Variants in PCDH9 observed in about 807,000 individuals in gnomAD.
PCDH9 encodes protocadherin 9.
PCDH9 carries 24 observed loss-of-function variants against 70.6 expected under a neutral mutation model. That is an observed-to-expected ratio of 0.34 (90% confidence interval 0.25 to 0.48). The LOEUF (loss-of-function observed/expected upper bound fraction) is 0.48. Among genes scored for constraint, PCDH9 ranks in the 20% least tolerant of loss-of-function variants. The probability of loss-of-function intolerance (pLI) is 0.99; values close to 1 mark genes in which losing one functional copy is unlikely to be tolerated. For synonymous variants in PCDH9, 562 were observed against 558.5 expected (o/e 1.01, Z -0.09); for missense variants, 1,281 against 1,503.6 (o/e 0.85, Z 2.45).
At chr13:66,867,016 CT>C (rs562922937) in intron 3 of PCDH9, among the ~76,000 whole-genome samples, 1,748 of 136,966 alleles carry the variant, frequency 0.013, 7 homozygotes, top group Non-Finnish European at 0.015. Context: ...CAGTTTCTTT[CT>C]TTTTTTTTTT....
intron 2 of PCDH9, among the ~76,000 whole-genome samples, chr13:67,091,376 T>A (rs912651369): frequency 2.0e-5 from 3 of 152,180 alleles, no homozygotes; most frequent in African/African-American, 7.2e-5. Context: ...TTTAAATCTA[T>A]TTTGTCATAA....
At position 66,503,217 on chromosome 13, in the gene PCDH9, C is replaced by T. The variant is rs578249322; in HGVS notation, c.3340+127993G>A. Among the ~76,000 whole-genome samples, 27 of 152,238 alleles carry T rather than the reference C, an allele frequency of 1.8e-4. No individual in the cohort carries two copies. The South Asian group carries it at 5.4e-3, about 30-fold the overall frequency. On this transcript the variant is annotated intron_variant, in intron 4 of 4. Transcript: ENST00000377865. ...TCTCCAGTATCACATCATTCTTAAG[C>T]GATAGAATAACTGGTTTGCTAGAAG...
intron 2 of PCDH9, among the ~76,000 whole-genome samples, chr13:67,137,548 G>T (rs1404188018): frequency 6.6e-6 from 1 of 152,154 alleles, no homozygotes; most frequent in Admixed American, 6.6e-5. Context: ...ACACAGCAGA[G>T]CTGTGTTGTA....
intron 4 of PCDH9, among the ~76,000 whole-genome samples, chr13:66,355,175 T>C (rs1956360531): frequency 6.6e-6 from 1 of 152,058 alleles, no homozygotes; most frequent in Non-Finnish European, 1.5e-5. Flanking sequence ...AAGTAGATAC[T>C]GTTTTTTTTT....
At chr13:66,559,072 T>C (rs1298869105) in intron 4 of PCDH9, among the ~76,000 whole-genome samples, 2 of 152,168 alleles carry the variant, frequency 1.3e-5, no homozygotes, top group Non-Finnish European at 2.9e-5. Context: ...TTAGTTTCTC[T>C]TGTGCAGTGA....
Position 66,595,883 on chromosome 13 carries a change from A to C in PCDH9, c.3340+35327T>G, listed in dbSNP as rs904881923. 8.6e-5 allele frequency among the ~76,000 whole-genome samples: 13 copies of C among 151,726 alleles called. No individual in the cohort carries two copies. The Admixed American group carries it at 8.6e-4, about 10-fold the overall frequency. ...AAACACCAGCGTAAAGTAAGCGAAAAGAGAAAGACTATGACCTTTCAAAAT... is the reference window on the plus strand; with the variant it reads ...AAACACCAGCGTAAAGTAAGCGAAACGAGAAAGACTATGACCTTTCAAAAT... On this transcript the variant is annotated intron_variant, in intron 4 of 4. Coordinates refer to ENST00000377865, the MANE Select transcript of PCDH9 (RefSeq NM_203487.3).
chr13:66,437,397 T>C (rs1957889727), intron 4 of PCDH9, among the ~76,000 whole-genome samples: 1 of 43,344 alleles, frequency 2.3e-5, no homozygotes. Context: ...AGAGCAAGAC[T>C]CTGTCTCAAA....
intron 4 of PCDH9, among the ~76,000 whole-genome samples, chr13:66,401,880 T>C (rs1483789866): frequency 6.6e-6 from 1 of 152,198 alleles, no homozygotes; most frequent in Non-Finnish European, 1.5e-5. Flanking sequence ...TTTCCCTTTC[T>C]GCCAGAACTA....
At position 66,901,294 on chromosome 13, in the gene PCDH9, T is replaced by C. The variant is rs1471971029; in HGVS notation, c.3138+2210A>G. 2.6e-5 allele frequency among the ~76,000 whole-genome samples: 4 copies of C among 151,874 alleles called. No individual in the cohort carries two copies. In the East Asian group the frequency reaches 5.8e-4, roughly 22 times the overall value. On this transcript the variant is annotated intron_variant, in intron 3 of 4. Transcript: ENST00000377865. The stretch of plus-strand genomic sequence containing the variant: ...AATGTGAATGATGGGAGAATATACA[T>C]ATAAACTTCTTGAAACAGTCCCTAG...
At chr13:66,771,078 T>A (rs1177825097) in intron 3 of PCDH9, among the ~76,000 whole-genome samples, 1 of 152,202 alleles carries the variant, frequency 6.6e-6, no homozygotes, top group Non-Finnish European at 1.5e-5. Flanking sequence ...TTTTATTTAC[T>A]TATTTTTTTA....
At chr13:66,607,054 G>T (rs956607207) in intron 4 of PCDH9, among the ~76,000 whole-genome samples, 1 of 151,918 alleles carries the variant, frequency 6.6e-6, no homozygotes, top group Admixed American at 6.6e-5. Context: ...GCTTTCAGAG[G>T]TTCTATTAAA....
intron 2 of PCDH9, among the ~76,000 whole-genome samples, chr13:67,116,155 G>A (rs756003776): frequency 9.2e-5 from 14 of 152,130 alleles, no homozygotes; most frequent in African/African-American, 3.4e-4. Context: ...GTGACTTTGA[G>A]ATGAGTAAAC....
intron 3 of PCDH9, among the ~76,000 whole-genome samples, chr13:66,897,203 TGGAA>T (rs1342583287): frequency 6.7e-6 from 1 of 148,714 alleles, no homozygotes; most frequent in African/African-American, 2.5e-5. Context: ...TAAATATTTA[TGGAA>T]GGAAGAAAAG....
chr13:67,205,142 CT>C (rs1321019217), intron 2 of PCDH9: 2 of 152,286 alleles, frequency 1.3e-5, no homozygotes, highest in South Asian at 4.1e-4. Context: ...GCCTGCATGT[CT>C]TTGAGTTCAT....
chr13:67,204,648 A>T (rs148273339), intron 2 of PCDH9: 47 of 152,294 alleles, frequency 3.1e-4, no homozygotes, highest in African/African-American at 1.1e-3. Flanking sequence ...GCCTGTCACA[A>T]TCACAACCAA....
At chr13:66,561,288 T>C (rs564990785) in intron 4 of PCDH9, among the ~76,000 whole-genome samples, 4 of 152,324 alleles carry the variant, frequency 2.6e-5, no homozygotes, top group African/African-American at 9.6e-5. Context: ...CAGCCCGCCA[T>C]GCCTGGGCTT....
chr13:66,846,565 T>C (rs1449732019), intron 3 of PCDH9, among the ~76,000 whole-genome samples: 1 of 152,134 alleles, frequency 6.6e-6, no homozygotes, highest in Non-Finnish European at 1.5e-5. Flanking sequence ...TGAGAGTTAT[T>C]ACATTCCTTT....
chr13:66,784,178 G>T (rs1405020921), intron 3 of PCDH9, among the ~76,000 whole-genome samples: 1 of 152,030 alleles, frequency 6.6e-6, no homozygotes, highest in Non-Finnish European at 1.5e-5. Flanking sequence ...GTTTAGCAAG[G>T]TACATTGCCA....
chr13:66,318,320 A>T (rs963113834), intron 4 of PCDH9, among the ~76,000 whole-genome samples: 1 of 152,092 alleles, frequency 6.6e-6, no homozygotes, highest in Admixed American at 6.6e-5. Context: ...CTATTTTTTG[A>T]CAAAAGAAGA....
Sources: allele counts gnomAD v4.1 joint callset (sites outside exome capture counted in the v4.1 genomes callset), GRCh38; gene constraint gnomAD v4.1.1; transcripts MANE v1.5; gene names NCBI Gene and HGNC (gene_info 2026-07-23, HGNC 2026-07-21).